GBX1: variants seen among roughly 807,000 people sequenced by gnomAD.
GBX1 encodes the protein homeobox protein GBX-1.
Under a neutral mutation model 22.9 loss-of-function variants are expected in GBX1, and 9 were observed. The observed-to-expected ratio is 0.39, with a 90% confidence interval of 0.24 to 0.69. GBX1 has a LOEUF of 0.69. GBX1 is among the 30% of genes least tolerant of loss of function. GBX1 has a pLI of 0.43. For synonymous variants in GBX1, 203 were observed against 227.3 expected (o/e 0.89, Z 0.96); for missense variants, 494 against 509.2 (o/e 0.97, Z 0.29).
chr7:151,163,467 T>A (rs1171855531), intron 1 of GBX1, among the ~76,000 whole-genome samples: 2 of 152,218 alleles, frequency 1.3e-5, no homozygotes, highest in Non-Finnish European at 2.9e-5. Context: ...TCACCACTGT[T>A]CACCTGTGGC....
At chr7:151,153,180 TG>T (rs1801097754) in intron 1 of GBX1, among the ~76,000 whole-genome samples, 1 of 152,054 alleles carries the variant, frequency 6.6e-6, no homozygotes, top group African/African-American at 2.4e-5. Flanking sequence ...AGAGAAAATA[TG>T]GGAAAAATCA....
At chr7:151,157,140 A>G (rs1032082470) in intron 1 of GBX1, among the ~76,000 whole-genome samples, 1 of 151,900 alleles carries the variant, frequency 6.6e-6, no homozygotes, top group Non-Finnish European at 1.5e-5. Flanking sequence ...TACTAAAAAT[A>G]CAAAAATTAG....
intron 1 of GBX1, among the ~76,000 whole-genome samples, chr7:151,153,310 C>T (rs567084087): frequency 9.9e-5 from 15 of 152,238 alleles, no homozygotes; most frequent in African/African-American, 3.6e-4. Flanking sequence ...CTCTGCTGCC[C>T]CAAGAGAAGG....
At chr7:151,163,990 T>C (rs1309051424) in intron 1 of GBX1, among the ~76,000 whole-genome samples, 2 of 152,236 alleles carry the variant, frequency 1.3e-5, no homozygotes, top group Non-Finnish European at 2.9e-5. Context: ...AAGTTCCTTT[T>C]ATCCTTCCTC....
rs748884945 is a variant in GBX1 at position 151,167,396 on chromosome 7, G to C, written c.153C>G (p.Pro51=). 70 of 1,515,558 alleles carry C rather than the reference G, an allele frequency of 4.6e-5. No homozygotes were observed. The highest frequency in any genetic ancestry group is 6.2e-5 in the Non-Finnish European group (70 of 1,133,606). 93.9% of individuals were successfully genotyped at this position (1,515,558 alleles called of 1,614,324 possible). The change falls in exon 1 of 2, where the codon CCC becomes CCG. Residue 51 remains proline, a synonymous_variant. Transcript: ENST00000297537. The surrounding 1 kb of genome is among the most constrained non-coding windows in gnomAD (Gnocchi z 5.9). ...CCTGCGGCAGCACGAGCGGCCGGTA[G>C]GGCATGAACATGGGGTAGCCGGTGT... The part of the protein sequence containing the change: ...LLYTGYPMFM[P]YRPLVLPQAL...
At chr7:151,163,128 G>A (rs1180497403) in intron 1 of GBX1, among the ~76,000 whole-genome samples, 2 of 151,750 alleles carry the variant, frequency 1.3e-5, no homozygotes, top group African/African-American at 4.8e-5. Flanking sequence ...CCACATTCAC[G>A]GCTCTTTTCA....
chr7:151,155,021 C>T (rs1241086379), intron 1 of GBX1, among the ~76,000 whole-genome samples: 4 of 152,196 alleles, frequency 2.6e-5, no homozygotes, highest in Non-Finnish European at 5.9e-5. Flanking sequence ...CCTGTGCTGT[C>T]CCTCATTCAC....
In GBX1 at chr7:151,148,704, C is replaced by T; in HGVS notation, c.977G>A (p.Ser326Asn). 2 of 1,614,212 alleles carry T rather than the reference C, an allele frequency of 1.2e-6. No individual in the cohort carries two copies. Among genetic ancestry groups the T allele is most frequent in the Non-Finnish European group, 1.7e-6 (2 of 1,180,046 alleles). Reference sequence around the variant, plus strand: ...GTTTCTTACGGGCTCCCCAGAACGGCTGCTCACATTGCCAGCTTTGATGCG... The same window carrying T: ...GTTTCTTACGGGCTCCCCAGAACGGTTGCTCACATTGCCAGCTTTGATGCG... ...WKRIKAGNVSSRSGEPVRNPK... is the reference protein window; with the variant it reads ...WKRIKAGNVSNRSGEPVRNPK... The change falls in exon 2 of 2, where the codon AGC becomes AAC. Residue 326 changes from serine (S) to asparagine (N), a missense_variant. This residue lies in a region of GBX1 where 124 missense variants were observed against 152.0 expected (regional missense o/e 0.82). Transcript: ENST00000297537. This position sits in a 1 kb window ranked among gnomAD's most constrained non-coding sequence, Gnocchi z 5.1.
rs1296245526 is a variant in GBX1, at chr7:151,167,156, A to G, written c.393T>C (p.Thr131=). Residue 131 remains threonine (T), a synonymous_variant, in exon 1 of 2, where the codon ACT becomes ACC. Coordinates refer to ENST00000297537, the MANE Select transcript of GBX1 (RefSeq NM_001098834.3). This position sits in a 1 kb window ranked among gnomAD's most constrained non-coding sequence, Gnocchi z 5.9. ...LAAAAAAAAA[T]AARNNPEPGG... ...CTGGCTCGGGGTTGTTTCGGGCGGC[A>G]GTGGCGGCGGCGGCGGCAGCGGCGG... 1 of 1,595,726 alleles carries G rather than the reference A, an allele frequency of 6.3e-7. No homozygotes were observed. The highest frequency in any genetic ancestry group is 8.5e-7 in the Non-Finnish European group (1 of 1,173,722).
rs575510107 is a variant in GBX1 at position 151,167,426 on chromosome 7, C to A, written c.123G>T (p.Leu41Phe). ...IGPPPPRSGHLLYTGYPMFMP... is the reference protein window; with the variant it reads ...IGPPPPRSGHFLYTGYPMFMP... ...TGAACATGGGGTAGCCGGTGTACAGCAAGTGGCCGGAGCGCGGCGGCGGCG... is the reference window on the plus strand; with the variant it reads ...TGAACATGGGGTAGCCGGTGTACAGAAAGTGGCCGGAGCGCGGCGGCGGCG... Residue 41 changes from leucine (L) to phenylalanine (F), a missense_variant, in exon 1 of 2, where the codon TTG (leucine) becomes TTT (phenylalanine). Leu to Phe is a conservative substitution (Grantham distance 22, BLOSUM62 0). Transcript: ENST00000297537. The surrounding 1 kb of genome is among the most constrained non-coding windows in gnomAD (Gnocchi z 5.9). The A allele has an allele frequency of 6.8e-5, 103 of 1,517,430 alleles. No individual in the cohort carries two copies. The African/African-American group carries it at 1.4e-3, about 21-fold the overall frequency. The allele number at this position is 1,517,430 out of a possible 1,614,324, so 94.0% of individuals were successfully genotyped here.
intron 1 of GBX1, among the ~76,000 whole-genome samples, chr7:151,162,780 C>A (rs1415481668): frequency 6.6e-6 from 1 of 151,468 alleles, no homozygotes; most frequent in African/African-American, 2.4e-5. Flanking sequence ...CTCTAGACAC[C>A]CCCAACTCAA....
At chr7:151,154,825 G>A (rs1018085303) in intron 1 of GBX1, among the ~76,000 whole-genome samples, 3 of 152,154 alleles carry the variant, frequency 2.0e-5, no homozygotes, top group African/African-American at 7.2e-5. Context: ...GGGTCAGTTC[G>A]GGCTAGGGAA....
chr7:151,152,734 C>T (rs1189440477), intron 1 of GBX1, among the ~76,000 whole-genome samples: 1 of 152,180 alleles, frequency 6.6e-6, no homozygotes, highest in Non-Finnish European at 1.5e-5. Flanking sequence ...ATCATCCATC[C>T]CTCTGTCTTC....
chr7:151,166,638 G>C (rs1801254770), intron 1 of GBX1, among the ~76,000 whole-genome samples: 1 of 151,888 alleles, frequency 6.6e-6, no homozygotes, highest in Admixed American at 6.6e-5. Flanking sequence ...CCCCATCTTG[G>C]TGCCCCCGGA....
At chr7:151,164,851 T>C (rs1185578296) in intron 1 of GBX1, among the ~76,000 whole-genome samples, 4 of 142,546 alleles carry the variant, frequency 2.8e-5, no homozygotes, top group African/African-American at 1.0e-4. Flanking sequence ...TAAATTCCAG[T>C]TTCCCCTCAC....
rs558744648 is a variant in GBX1 at position 151,167,417 on chromosome 7, G to A, written c.132C>T (p.Thr44=). 1.6e-5 allele frequency: 25 copies of A among 1,520,058 alleles called. No homozygotes were observed. In the African/African-American group the frequency reaches 2.7e-4, roughly 17 times the overall value. The allele number at this position is 1,520,058 out of a possible 1,614,324, so 94.2% of individuals were successfully genotyped here. A position where few individuals can be genotyped will look rare whatever the true frequency, so the allele number is the denominator to read the frequency against. Residue 44 remains threonine (T), a synonymous_variant, in exon 1 of 2, where the codon ACC becomes ACT. Coordinates refer to ENST00000297537, the MANE Select transcript of GBX1 (RefSeq NM_001098834.3). This position sits in a 1 kb window ranked among gnomAD's most constrained non-coding sequence, Gnocchi z 5.9. ...GGTAGGGCATGAACATGGGGTAGCC[G>A]GTGTACAGCAAGTGGCCGGAGCGCG... The part of the protein sequence containing the change: ...PPPRSGHLLY[T]GYPMFMPYRP...
chr7:151,149,775 T>G (rs1801057286), intron 1 of GBX1: 1 of 377,938 alleles, frequency 2.6e-6, no homozygotes. Context: ...CTTCCCTAGA[T>G]CTGCAGTCCC....
intron 1 of GBX1, among the ~76,000 whole-genome samples, chr7:151,153,794 C>T (rs545775977): frequency 1.3e-5 from 2 of 152,112 alleles, no homozygotes; most frequent in South Asian, 2.1e-4. Context: ...AACTTCTGGA[C>T]TCAAGCAAAC....
At position 151,167,344 on chromosome 7, in the gene GBX1, C is replaced by G; in HGVS notation, c.205G>C (p.Gly69Arg). The G allele has an allele frequency of 6.6e-7, 1 of 1,507,672 alleles. No individual in the cohort carries two copies. The highest frequency in any genetic ancestry group is 1.5e-5 in the African/African-American group (1 of 68,570). The allele number at this position is 1,507,672 out of a possible 1,614,324, so 93.4% of individuals were successfully genotyped here. A position where few individuals can be genotyped will look rare whatever the true frequency, so the allele number is the denominator to read the frequency against. ...QALAPAPLPA[G>R]LPPLAPLASF... ...GCTAGCGGGGCGAGGGGCGGGAGGC[C>G]AGCGGGCAGCGGCGCAGGGGCCAGC... The change falls in exon 1 of 2, where the codon GGC (glycine) becomes CGC (arginine). Residue 69 changes from glycine to arginine, a missense_variant. Transcript: ENST00000297537. The surrounding 1 kb of genome is among the most constrained non-coding windows in gnomAD (Gnocchi z 5.9).
Sources: gnomAD v4.1 joint callset for allele counts (sites outside exome capture counted in the v4.1 genomes callset) on GRCh38, gnomAD v4.1.1 for gene constraint, gnomAD v4.1.1 regional missense constraint, Gnocchi (gnomAD v3.1) non-coding constraint, MANE v1.5 for transcripts, NCBI Gene and HGNC (gene_info 2026-07-23, HGNC 2026-07-21) for gene names.